The following CNTN5 variants were observed in gnomAD, a reference collection of about 807,000 sequenced individuals.
CNTN5 encodes the protein contactin-5.
A neutral mutation model predicts 129.1 loss-of-function variants in CNTN5; 77 were observed. That is an observed-to-expected ratio of 0.60 (90% CI 0.50 to 0.72). The LOEUF (loss-of-function observed/expected upper bound fraction) is 0.72. Among genes scored for constraint, CNTN5 ranks in the 30% least tolerant of loss-of-function variants. The probability of loss-of-function intolerance (pLI) is 0.00; values close to 1 mark genes in which losing one functional copy is unlikely to be tolerated. For synonymous variants in CNTN5, 509 were observed against 465.6 expected, an observed-to-expected ratio of 1.09 and a Z score of -1.20; for missense variants, 1,478 against 1,328.8, an observed-to-expected ratio of 1.11 and a Z score of -1.75.
At chr11:99,379,834 C>G (rs904673306) in intron 2 of CNTN5, among the ~76,000 whole-genome samples, 17 of 151,982 alleles carry the variant, frequency 1.1e-4, no homozygotes, top group African/African-American at 3.4e-4. Flanking sequence ...GTTATTCATG[C>G]CTGTAATTCC....
At chr11:100,130,088 A>G (rs1034926225) in intron 13 of CNTN5, among the ~76,000 whole-genome samples, 3 of 152,184 alleles carry the variant, frequency 2.0e-5, no homozygotes, top group African/African-American at 7.2e-5. Flanking sequence ...GTTCTCAGAA[A>G]AAAAGAAGTA....
chr11:99,720,132 T>C (rs896485962), intron 3 of CNTN5, among the ~76,000 whole-genome samples: 4 of 152,048 alleles, frequency 2.6e-5, no homozygotes, highest in African/African-American at 9.7e-5. Context: ...TAGAAACTAT[T>C]TCAAAAAATT....
intron 3 of CNTN5, among the ~76,000 whole-genome samples, chr11:99,705,882 A>G (rs377500360): frequency 1.3e-5 from 2 of 151,482 alleles, no homozygotes; most frequent in East Asian, 1.9e-4. Context: ...AATAAGGAAT[A>G]CAGACCAGTG....
Position 99,916,159 on chromosome 11 carries a change from G to T in CNTN5, c.673+10G>T, listed in dbSNP as rs201115383. Reference sequence around the variant, plus strand: ...CCGCCACATTCACCAGGTACAGTAGGATCTCATTCTTTGCTGCTGCTGCTG... The same window carrying T: ...CCGCCACATTCACCAGGTACAGTAGTATCTCATTCTTTGCTGCTGCTGCTG... On this transcript the variant is annotated intron_variant, in intron 7 of 24. Transcript: ENST00000524871. The T allele has an allele frequency of 9.4e-6, 15 of 1,603,918 alleles. No individual in the cohort carries two copies. The Admixed American group carries it at 1.2e-4, about 13-fold the overall frequency.
chr11:100,260,964 A>G (rs563140656), intron 17 of CNTN5, among the ~76,000 whole-genome samples: 108 of 152,264 alleles, frequency 7.1e-4, no homozygotes, highest in African/African-American at 1.9e-3. Context: ...GGCAAGAGAA[A>G]GAAATAAATG....
chr11:99,963,542 G>A (rs1951009700), intron 8 of CNTN5, among the ~76,000 whole-genome samples: 1 of 152,132 alleles, frequency 6.6e-6, no homozygotes, highest in South Asian at 2.1e-4. Context: ...CTAGTACCAT[G>A]CTGTTTTGGT....
At chr11:99,086,127 T>G (rs1233786114) in intron 1 of CNTN5, among the ~76,000 whole-genome samples, 1 of 152,232 alleles carries the variant, frequency 6.6e-6, no homozygotes, top group Non-Finnish European at 1.5e-5. Flanking sequence ...TATAATAATT[T>G]GTATTCATTC....
intron 3 of CNTN5, among the ~76,000 whole-genome samples, chr11:99,636,278 A>T (rs1951550565): frequency 6.6e-6 from 1 of 152,202 alleles, no homozygotes; most frequent in Non-Finnish European, 1.5e-5. Flanking sequence ...ATAATTACCC[A>T]ATGAAAGTGA....
intron 1 of CNTN5, among the ~76,000 whole-genome samples, chr11:99,201,742 G>A (rs1444171722): frequency 1.3e-5 from 2 of 152,150 alleles, no homozygotes; most frequent in African/African-American, 4.8e-5. Context: ...CAACACTGCT[G>A]ACTCTGAAGA....
intron 13 of CNTN5, among the ~76,000 whole-genome samples, chr11:100,094,721 G>A (rs1944925496): frequency 1.4e-5 from 2 of 143,244 alleles, no homozygotes; most frequent in African/African-American, 5.2e-5. Flanking sequence ...GAGGAAAAAA[G>A]GAAAGAGAGA....
chr11:100,000,438 T>C (rs961672027), intron 8 of CNTN5, among the ~76,000 whole-genome samples: 1 of 152,210 alleles, frequency 6.6e-6, no homozygotes, highest in Non-Finnish European at 1.5e-5. Flanking sequence ...TAGGGCATGA[T>C]GATAGAAGGC....
At chr11:99,086,868 T>C (rs867107391) in intron 1 of CNTN5, among the ~76,000 whole-genome samples, 122 of 152,308 alleles carry the variant, frequency 8.0e-4, no homozygotes, top group African/African-American at 2.9e-3. Context: ...GTTTACCATA[T>C]GCCAGATATA....
chr11:99,134,970 A>T (rs1859144186), intron 1 of CNTN5, among the ~76,000 whole-genome samples: 1 of 152,210 alleles, frequency 6.6e-6, no homozygotes. Context: ...ATAATGAATG[A>T]CTTTTGTCAT....
intron 13 of CNTN5, among the ~76,000 whole-genome samples, chr11:100,116,094 A>G (rs1205476131): frequency 6.6e-6 from 1 of 151,944 alleles, no homozygotes; most frequent in Admixed American, 6.6e-5. Flanking sequence ...CAGAATAGCA[A>G]TAAACTCTTG....
At chr11:100,053,763 G>T (rs1482191191) in intron 9 of CNTN5, among the ~76,000 whole-genome samples, 2 of 151,676 alleles carry the variant, frequency 1.3e-5, no homozygotes, top group Admixed American at 6.6e-5. Flanking sequence ...ACAAATACTT[G>T]TATAAAGTTT....
intron 1 of CNTN5, among the ~76,000 whole-genome samples, chr11:99,280,009 A>T (rs1486189194): frequency 6.6e-6 from 1 of 151,732 alleles, no homozygotes; most frequent in Non-Finnish European, 1.5e-5. Flanking sequence ...AAAAGAAAAA[A>T]AATCAGGATA....
At chr11:99,290,744 A>T (rs1231326389) in intron 1 of CNTN5, among the ~76,000 whole-genome samples, 1 of 152,002 alleles carries the variant, frequency 6.6e-6, no homozygotes, top group East Asian at 1.9e-4. Flanking sequence ...CATCTTTTGT[A>T]TACTACGAAG....
intron 1 of CNTN5, among the ~76,000 whole-genome samples, chr11:99,227,286 G>A (rs1050383291): frequency 4.6e-5 from 7 of 151,834 alleles, no homozygotes; most frequent in Admixed American, 4.6e-4. Flanking sequence ...CTTGAACCCA[G>A]GAGGCAAAGA....
intron 13 of CNTN5, among the ~76,000 whole-genome samples, chr11:100,153,456 A>T (rs1484601653): frequency 6.6e-6 from 1 of 152,132 alleles, no homozygotes; most frequent in Non-Finnish European, 1.5e-5. Context: ...AACGCTTATT[A>T]TGTTCTTGCC....
Sources: gnomAD v4.1 joint callset for allele counts (sites outside exome capture counted in the v4.1 genomes callset) on GRCh38, gnomAD v4.1.1 for gene constraint, MANE v1.5 for transcripts, NCBI Gene and HGNC (gene_info 2026-07-23, HGNC 2026-07-21) for gene names.